Variants in TMF1 observed in about 807,000 individuals in gnomAD.
TMF1 encodes TATA element modulatory factor 1.
Under a neutral mutation model 126.5 loss-of-function variants are expected in TMF1, and 71 were observed. That is an observed-to-expected ratio of 0.56 (90% CI 0.46 to 0.68). The LOEUF (loss-of-function observed/expected upper bound fraction) is 0.68, where lower values mean the gene tolerates loss of function less well. Ranked by LOEUF, TMF1 falls within the 30% of genes least tolerant of loss-of-function variation. The pLI is 0.00. For synonymous variants in TMF1, 461 were observed against 430.5 expected, an observed-to-expected ratio of 1.07 and a Z score of -0.88; for missense variants, 1,259 against 1,253.2, an observed-to-expected ratio of 1.00 and a Z score of -0.07.
intron 15 of TMF1, 109 bp from the exon 16 acceptor site, chr3:69,024,289 T>C: frequency 4.1e-6 from 4 of 982,260 alleles, no homozygotes; most frequent in Non-Finnish European, 5.7e-6. Flanking sequence ...TTTTTTGAAA[T>C]AGACATGTCA....
At chr3:69,033,510 A>G (rs764494069) in intron 10 of TMF1, 38 bp downstream of exon 10, 1 of 1,578,692 alleles carries the variant, frequency 6.3e-7, no homozygotes, top group Non-Finnish European at 8.6e-7. Context: ...ACAAGATGGA[A>G]GAGCTTCTGC....
At chr3:69,034,459 C>CA (rs1228470014) in intron 9 of TMF1, among the ~76,000 whole-genome samples, 9 of 152,160 alleles carry the variant, frequency 5.9e-5, no homozygotes, top group African/African-American at 1.9e-4. Flanking sequence ...GGCAACAGAG[C>CA]AAGACTCTGT....
rs780580921 is a variant in TMF1, at chr3:69,038,683, C to T, written c.2032G>A (p.Asp678Asn). 1 of 1,613,928 alleles carries T rather than the reference C, an allele frequency of 6.2e-7. No homozygotes were observed. The highest frequency in any genetic ancestry group is 1.1e-5 in the South Asian group (1 of 91,048). Residue 678 changes from aspartate to asparagine, a missense_variant, in exon 8 of 17, where the codon GAT becomes AAT. Asp to Asn is a conservative substitution (Grantham distance 23). Coordinates refer to ENST00000398559, the MANE Select transcript of TMF1 (RefSeq NM_007114.3). ...AGAGCAGCTTCCTGTGCCTCACTATCCTTTGCAGCATTGGCTTTGTGAAGA... is the reference window on the plus strand; with the variant it reads ...AGAGCAGCTTCCTGTGCCTCACTATTCTTTGCAGCATTGGCTTTGTGAAGA... ...TDLHKANAAK[D>N]SEAQEAALSR...
At chr3:69,043,162 T>A (rs1197926040) in intron 4 of TMF1, among the ~76,000 whole-genome samples, 2 of 152,062 alleles carry the variant, frequency 1.3e-5, no homozygotes, top group Admixed American at 1.3e-4. Flanking sequence ...TAAATTAACT[T>A]TCCTTTTCAT....
At position 69,025,605 on chromosome 3, in the gene TMF1, T is replaced by A; in HGVS notation, c.2967A>T (p.Leu989=). The A allele has an allele frequency of 6.2e-7, 1 of 1,614,082 alleles. No individual in the cohort carries two copies. The highest frequency in any genetic ancestry group is 8.5e-7 in the Non-Finnish European group (1 of 1,179,982). ...CTTCCCTTAGCTTTAGCTGAGACTG[T>A]AGGTTTTCAATTATGCTTGATCCTG... is the stretch of plus-strand genomic sequence containing the variant. ...MGAGSSIIEN[L]QSQLKLREGE... Residue 989 remains leucine, a synonymous_variant, in exon 15 of 17, where the codon CTA becomes CTT. Coordinates refer to ENST00000398559, the MANE Select transcript of TMF1 (RefSeq NM_007114.3).
At chr3:69,045,220 G>A (rs2091889159) in intron 2 of TMF1, among the ~76,000 whole-genome samples, 1 of 152,174 alleles carries the variant, frequency 6.6e-6, no homozygotes, top group South Asian at 2.1e-4. Context: ...CACTTTGGGA[G>A]GCTGAGGTGG....
chr3:69,045,049 G>A lies in TMF1; in HGVS notation c.1348-454C>T, dbSNP rs190056169. On this transcript the variant is annotated intron_variant, in intron 2 of 16. Transcript: ENST00000398559. ...GGATGCAATCAAAAGAGGTCAAAGAGGAAATTTAAAGCCTCTATATTTTAG... is the reference window on the plus strand; with the variant it reads ...GGATGCAATCAAAAGAGGTCAAAGAAGAAATTTAAAGCCTCTATATTTTAG... 5.4e-3 allele frequency among the ~76,000 whole-genome samples: 824 copies of A among 152,266 alleles called. 8 individuals carry two copies. Among genetic ancestry groups the A allele is most frequent in the African/African-American group, 0.019 (772 of 41,538 alleles).
chr3:69,045,023 T>C (rs745797445), intron 2 of TMF1, among the ~76,000 whole-genome samples: 2 of 152,132 alleles, frequency 1.3e-5, no homozygotes, highest in Non-Finnish European at 2.9e-5. Flanking sequence ...AGAAGGGAGA[T>C]GGATGCAATC....
chr3:69,022,868 C>G lies in TMF1; in HGVS notation c.*309G>C, dbSNP rs929367960. On this transcript the variant is annotated 3_prime_UTR_variant, in exon 17 of 17. Transcript: ENST00000398559. ...TATATCTACAATACATATATGAACA[C>G]CATTCTTCTTCTCTAGCCATATTTA... 5.0e-6 allele frequency: 1 copy of G among 200,900 alleles called. No individual in the cohort carries two copies. Among genetic ancestry groups the G allele is most frequent in the Non-Finnish European group, 1.0e-5 (1 of 99,972 alleles). 12.4% of individuals were successfully genotyped at this position (200,900 alleles called of 1,614,324 possible).
Position 69,047,745 on chromosome 3 carries a change from A to G in TMF1, c.960T>C (p.Ser320=). 1 of 1,614,150 alleles carries G rather than the reference A, an allele frequency of 6.2e-7. No individual in the cohort carries two copies. Residue 320 remains serine (S), a synonymous_variant, in exon 2 of 17, where the codon TCT becomes TCC. Coordinates refer to ENST00000398559, the MANE Select transcript of TMF1 (RefSeq NM_007114.3). The part of the protein sequence containing the change: ...FQKLTESCCS[S]DAFERIDSFS... ...ATGAGTCTATTCTTTCAAAAGCATC[A>G]GATGAACAGCAACTCTCAGTGAGTT...
chr3:69,035,757 T>A (rs974715723), intron 8 of TMF1, among the ~76,000 whole-genome samples: 3 of 151,952 alleles, frequency 2.0e-5, no homozygotes, highest in Admixed American at 1.3e-4. Flanking sequence ...AATAAATGTA[T>A]AAAACATGTA....
At position 69,048,067 on chromosome 3, in the gene TMF1, G is replaced by T. The variant is rs201147126; in HGVS notation, c.638C>A (p.Thr213Lys). ...TTCTGCTGTGAGAGACTGCGTAGACGTATTAGATATACTTTCCATAGTTGT... is the reference window on the plus strand; with the variant it reads ...TTCTGCTGTGAGAGACTGCGTAGACTTATTAGATATACTTTCCATAGTTGT... ...VKTTMESISN[T>K]STQSLTAETK... Residue 213 changes from threonine (T) to lysine (K), a missense_variant, in exon 2 of 17, where the codon ACG (threonine) becomes AAG (lysine). Physicochemically the swap from Thr to Lys is moderately conservative, Grantham distance 78 (BLOSUM62 -1). Coordinates refer to ENST00000398559, the MANE Select transcript of TMF1 (RefSeq NM_007114.3). 6.2e-7 allele frequency: 1 copy of T among 1,614,074 alleles called. No individual in the cohort carries two copies. The highest frequency in any genetic ancestry group is 8.5e-7 in the Non-Finnish European group (1 of 1,180,040).
At position 69,033,702 on chromosome 3, in the gene TMF1, T is replaced by C; in HGVS notation, c.2247A>G (p.Arg749=). 1 of 1,600,850 alleles carries C rather than the reference T, an allele frequency of 6.2e-7. No homozygotes were observed. The highest frequency in any genetic ancestry group is 8.5e-7 in the Non-Finnish European group (1 of 1,175,178). The change falls in exon 10 of 17, where the codon AGA becomes AGG. Residue 749 remains arginine, a splice_region_variant and synonymous_variant. Transcript: ENST00000398559. ...GGTTTCGATTCTCTGCTTCCTGGAG[T>C]CTCTGAATCATGAAATTCTGAAGTC... ...LRHEIGELQQ[R]LQEAENRNQE...
intron 13 of TMF1, among the ~76,000 whole-genome samples, chr3:69,027,696 A>T (rs1430604409): frequency 6.7e-6 from 1 of 148,680 alleles, no homozygotes. Flanking sequence ...AAAAAAAAAA[A>T]TCATGAAAAA....
At chr3:69,045,927 G>C (rs1054612296) in intron 2 of TMF1, among the ~76,000 whole-genome samples, 1 of 151,796 alleles carries the variant, frequency 6.6e-6, no homozygotes, top group African/African-American at 2.4e-5. Flanking sequence ...GGCGTGGTGC[G>C]AGCCTATGGT....
intron 5 of TMF1, among the ~76,000 whole-genome samples, chr3:69,040,649 G>A (rs879701467): frequency 4.6e-5 from 7 of 152,264 alleles, no homozygotes; most frequent in South Asian, 2.1e-4. Flanking sequence ...AATACTGGCC[G>A]GGTGCAGTGG....
At position 69,024,100 on chromosome 3, in the gene TMF1, A is replaced by G; in HGVS notation, c.3093T>C (p.Leu1031=). The change falls in exon 16 of 17, where the codon CTT becomes CTC. Residue 1031 remains leucine (L), a synonymous_variant. Coordinates refer to ENST00000398559, the MANE Select transcript of TMF1 (RefSeq NM_007114.3). Reference sequence around the variant, plus strand: ...TGGGTATCTCCTTCACCTTCTCTTCAAGTTCATCATTTTGATTTGTTAATT... The same window carrying G: ...TGGGTATCTCCTTCACCTTCTCTTCGAGTTCATCATTTTGATTTGTTAATT... ...LVKLTNQNDE[L]EEKVKEIPKL... 6.2e-7 allele frequency: 1 copy of G among 1,610,202 alleles called. No individual in the cohort carries two copies. The highest frequency in any genetic ancestry group is 8.5e-7 in the Non-Finnish European group (1 of 1,178,606).
chr3:69,038,449 T>C (rs2091844689), intron 8 of TMF1, 115 bp downstream of exon 8: 1 of 1,208,198 alleles, frequency 8.3e-7, no homozygotes, highest in South Asian at 1.5e-5. Flanking sequence ...TCCAGTACTC[T>C]GAAATCTAAC....
chr3:69,047,002 C>A (rs961719221), intron 2 of TMF1, among the ~76,000 whole-genome samples: 6 of 152,052 alleles, frequency 3.9e-5, no homozygotes, highest in African/African-American at 1.4e-4. Context: ...CATCTATCTG[C>A]AAAGGAGGTG....
Sources: gnomAD v4.1 joint callset for allele counts (sites outside exome capture counted in the v4.1 genomes callset) on GRCh38, gnomAD v4.1.1 for gene constraint, MANE v1.5 for transcripts, NCBI Gene and HGNC (gene_info 2026-07-23, HGNC 2026-07-21) for gene names.